NOTCH2: variants seen among roughly 807,000 people sequenced by gnomAD.
The protein encoded by NOTCH2 is neurogenic locus notch homolog protein 2.
In NOTCH2, 29 loss-of-function variants were observed where a neutral mutation model predicts 235.8. The ratio of observed to expected loss-of-function variants is 0.12; its 90% CI spans 0.09 to 0.17. The LOEUF is 0.17. NOTCH2 is among the 10% of genes least tolerant of loss of function. NOTCH2 has a pLI of 1.00. For synonymous variants in NOTCH2, 1,086 were observed against 1,141.5 expected (o/e 0.95, Z 0.98); for missense variants, 2,285 against 3,150.2 (o/e 0.73, Z 6.57).
intron 3 of NOTCH2, 93 bp from the exon 4 acceptor site, chr1:119,997,425 G>A (rs1436103816): frequency 2.6e-6 from 3 of 1,145,452 alleles, no homozygotes; most frequent in Non-Finnish European, 4.0e-6. Context: ...GCTCTTGCGT[G>A]GAGAAGACCT....
At chr1:119,932,767 G>C (rs1236599462) in intron 22 of NOTCH2, among the ~76,000 whole-genome samples, 1 of 151,944 alleles carries the variant, frequency 6.6e-6, no homozygotes, top group Non-Finnish European at 1.5e-5. Flanking sequence ...AAAAAGTAAA[G>C]GAAATAAAAT....
chr1:120,007,936 TCTCA>T (rs1454515971), intron 2 of NOTCH2, among the ~76,000 whole-genome samples: 1 of 100,118 alleles, frequency 1.0e-5, no homozygotes, highest in Non-Finnish European at 2.0e-5. Flanking sequence ...GCAACACAAT[TCTCA>T]CTCACAGTGC....
intron 2 of NOTCH2, among the ~76,000 whole-genome samples, chr1:120,023,128 T>A (rs1315522614): frequency 6.6e-6 from 1 of 152,004 alleles, no homozygotes; most frequent in Non-Finnish European, 1.5e-5. Flanking sequence ...AACTTAAGTC[T>A]ATCTGGCATA....
Position 119,915,565 on chromosome 1 carries a change from G to T in NOTCH2, c.7157C>A (p.Pro2386His). The T allele has an allele frequency of 6.2e-7, 1 of 1,614,056 alleles. No homozygotes were observed. The change falls in exon 34 of 34, where the codon CCC (proline) becomes CAC (histidine). Residue 2386 changes from proline (P) to histidine (H), a missense_variant. Pro to His is a moderately conservative substitution (Grantham distance 77). Around this residue, in one of 6 missense-constraint regions of NOTCH2, gnomAD observed 504 missense variants for 538.0 expected, o/e 0.94. Transcript: ENST00000256646. Reference protein sequence around the residue: ...FPASVGKYPTPPSQHSYASSN... With the variant: ...FPASVGKYPTHPSQHSYASSN... Reference sequence around the variant, plus strand: ...GGAAGCATAACTGTGCTGTGAAGGGGGTGTGGGGTACTTGCCCACAGAGGC... The same window carrying T: ...GGAAGCATAACTGTGCTGTGAAGGGTGTGTGGGGTACTTGCCCACAGAGGC...
At chr1:119,970,069 A>G (rs1651302658) in intron 5 of NOTCH2, among the ~76,000 whole-genome samples, 1 of 152,210 alleles carries the variant, frequency 6.6e-6, no homozygotes, top group African/African-American at 2.4e-5. Flanking sequence ...TATAAGTAAG[A>G]AGAGCAAGGA....
At chr1:119,917,555 C>A in intron 33 of NOTCH2, 110 bp downstream of exon 33, 1 of 815,396 alleles carries the variant, frequency 1.2e-6, no homozygotes, top group Non-Finnish European at 2.2e-6. Flanking sequence ...CAAACTGCTT[C>A]CATCTTTGTC....
intron 2 of NOTCH2, among the ~76,000 whole-genome samples, chr1:120,026,053 G>A (rs1553209849): frequency 2.9e-5 from 4 of 138,994 alleles, no homozygotes; most frequent in Admixed American, 7.0e-5. Flanking sequence ...GATTATACAC[G>A]TTCTCCTAAT....
chr1:119,958,487 G>A (rs1650797828), intron 12 of NOTCH2, among the ~76,000 whole-genome samples: 1 of 152,218 alleles, frequency 6.6e-6, no homozygotes, highest in African/African-American at 2.4e-5. Flanking sequence ...TCACATTCGA[G>A]TACAAACAAC....
intron 1 of NOTCH2, among the ~76,000 whole-genome samples, chr1:120,060,623 T>C (rs1655282518): frequency 6.6e-6 from 1 of 150,538 alleles, no homozygotes; most frequent in African/African-American, 2.4e-5. Context: ...AATTACTTTT[T>C]ATTTTACAAA....
At chr1:120,023,378 A>G (rs1653709812) in intron 2 of NOTCH2, among the ~76,000 whole-genome samples, 1 of 150,802 alleles carries the variant, frequency 6.6e-6, no homozygotes, top group African/African-American at 2.4e-5. Flanking sequence ...CGGAGCTTAC[A>G]GTGAGCCAAG....
chr1:119,958,827 A>G (rs1184502722), intron 12 of NOTCH2, among the ~76,000 whole-genome samples: 1 of 152,090 alleles, frequency 6.6e-6, no homozygotes, highest in Admixed American at 6.6e-5. Flanking sequence ...TATATTCAAA[A>G]TTCTTCTAGC....
chr1:119,955,999 T>G, intron 12 of NOTCH2, among the ~76,000 whole-genome samples: 1 of 152,230 alleles, frequency 6.6e-6, no homozygotes, highest in Non-Finnish European at 1.5e-5. Context: ...ATGTAGGTGG[T>G]GTAAAAACTA....
Position 119,935,054 on chromosome 1 carries a change from A to G in NOTCH2, c.3655+418T>C, listed in dbSNP as rs587608048. The G allele has an allele frequency of 2.9e-4, 272 of 952,328 alleles. No homozygotes were observed. In the African/African-American group the frequency reaches 4.3e-3, roughly 15 times the overall value. The allele number at this position is 952,328 out of a possible 1,614,324, so 59.0% of individuals were successfully genotyped here. Reference sequence around the variant, plus strand: ...GAAAATAGGCAGATATTTTCATTTCATTCATTCCCCCACCTTATAGAGGTA... The same window carrying G: ...GAAAATAGGCAGATATTTTCATTTCGTTCATTCCCCCACCTTATAGAGGTA... On this transcript the variant is annotated intron_variant, in intron 22 of 33. Transcript: ENST00000256646.
At chr1:120,060,598 T>C (rs1403348135) in intron 1 of NOTCH2, among the ~76,000 whole-genome samples, 3 of 150,702 alleles carry the variant, frequency 2.0e-5, no homozygotes, top group African/African-American at 7.3e-5. Context: ...CATCCTTAAC[T>C]ACTTTTTCAA....
In NOTCH2 at chr1:119,915,886, T is replaced by A. The variant is rs774643035; in HGVS notation, c.6836A>T (p.His2279Leu). ...CCTGCTCTGGGGAGCTATGCCAGGATGGGTGCCCTCAGCTGGAGCCAGGAC... is the reference window on the plus strand; with the variant it reads ...CCTGCTCTGGGGAGCTATGCCAGGAAGGGTGCCCTCAGCTGGAGCCAGGAC... ...GMVLAPAEGT[H>L]PGIAPQSRPP... Residue 2279 changes from histidine (H) to leucine (L), a missense_variant, in exon 34 of 34, where the codon CAT becomes CTT. Around this residue, in one of 6 missense-constraint regions of NOTCH2, gnomAD observed 504 missense variants for 538.0 expected, o/e 0.94. Transcript: ENST00000256646. 1 of 1,614,176 alleles carries A rather than the reference T, an allele frequency of 6.2e-7. No homozygotes were observed.
In NOTCH2 at chr1:119,968,092, C is replaced by T. The variant is rs782797463; in HGVS notation, c.1249G>A (p.Asp417Asn). Reference sequence around the variant, plus strand: ...GCTTACTCACCCATGGCACATTCATCCACATCTTCTGTGCAGTCAGCCCCT... The same window carrying T: ...GCTTACTCACCCATGGCACATTCATTCACATCTTCTGTGCAGTCAGCCCCT... Reference protein sequence around the residue: ...YKGADCTEDVDECAMANSNPC... With the variant: ...YKGADCTEDVNECAMANSNPC... Residue 417 changes from aspartate (D) to asparagine (N), a missense_variant, in exon 7 of 34, where the codon GAT (aspartate) becomes AAT (asparagine). Physicochemically the swap from Asp to Asn is conservative, Grantham distance 23. Transcript: ENST00000256646. The T allele has an allele frequency of 1.2e-6, 2 of 1,614,098 alleles. No homozygotes were observed. The highest frequency in any genetic ancestry group is 1.7e-6 in the Non-Finnish European group (2 of 1,179,946).
At chr1:119,959,033 A>G (rs1259875628) in intron 12 of NOTCH2, among the ~76,000 whole-genome samples, 2 of 152,164 alleles carry the variant, frequency 1.3e-5, no homozygotes, top group Admixed American at 6.5e-5. Context: ...CAGTATTTTC[A>G]TAAGATTTTA....
In NOTCH2 at chr1:119,912,734, C is replaced by G. The variant is rs1648932673; in HGVS notation, c.*2572G>C. 2 of 233,388 alleles carry G rather than the reference C, an allele frequency of 8.6e-6. No individual in the cohort carries two copies. Among genetic ancestry groups the G allele is most frequent in the Admixed American group, 1.1e-4 (2 of 17,776 alleles). 14.5% of individuals were successfully genotyped at this position (233,388 alleles called of 1,614,324 possible). ...TAAAAACTGAGTCTCCAATTCAGAACCCAAATGAGAAAGTGATTATCCATC... is the reference window on the plus strand; with the variant it reads ...TAAAAACTGAGTCTCCAATTCAGAAGCCAAATGAGAAAGTGATTATCCATC... On this transcript the variant is annotated 3_prime_UTR_variant, in exon 34 of 34. Transcript: ENST00000256646.
chr1:119,920,936 G>C (rs1649265260), intron 29 of NOTCH2, among the ~76,000 whole-genome samples: 1 of 152,172 alleles, frequency 6.6e-6, no homozygotes, highest in Non-Finnish European at 1.5e-5. Context: ...TTTAAAAGCA[G>C]CTACCCTTTA....
Sources: allele counts gnomAD v4.1 joint callset (sites outside exome capture counted in the v4.1 genomes callset), GRCh38; gene constraint gnomAD v4.1.1; regional missense constraint gnomAD v4.1.1; transcripts MANE v1.5; gene names NCBI Gene and HGNC (gene_info 2026-07-23, HGNC 2026-07-21).